ADGRL3: variants seen among roughly 807,000 people sequenced by gnomAD.
ADGRL3 encodes adhesion G protein-coupled receptor L3, also known as calcium-independent alpha-latrotoxin receptor 3.
Under a neutral mutation model 153.5 loss-of-function variants are expected in ADGRL3, and 62 were observed. The ratio of observed to expected loss-of-function variants is 0.40; its 90% CI spans 0.33 to 0.50. The LOEUF is 0.50. Among genes scored for constraint, ADGRL3 ranks in the 20% least tolerant of loss-of-function variants. The pLI, the probability that ADGRL3 is intolerant of heterozygous loss-of-function variation, is 0.47. For missense variants in ADGRL3, 1,641 were observed against 1,859.4 expected (o/e 0.88, Z 2.16); for synonymous variants, 710 against 672.5 (o/e 1.06, Z -0.86).
chr4:62,017,530 G>A (rs2099218083), intron 21 of ADGRL3, among the ~76,000 whole-genome samples: 1 of 151,104 alleles, frequency 6.6e-6, no homozygotes, highest in Non-Finnish European at 1.5e-5. Context: ...AATTGATTAT[G>A]ATGTTTATGC....
rs753890696 is a variant in ADGRL3, at chr4:62,071,709, G to A, written c.*801G>A. On this transcript the variant is annotated 3_prime_UTR_variant, in exon 27 of 27. Coordinates refer to ENST00000683033, the MANE Select transcript of ADGRL3 (RefSeq NM_001387552.1). Reference sequence around the variant, plus strand: ...GTTTGTCTACCAGTAAGAGAGCAAAGTTTCCTTCCTTTCTTCTCTTTCTTC... The same window carrying A: ...GTTTGTCTACCAGTAAGAGAGCAAAATTTCCTTCCTTTCTTCTCTTTCTTC... 2.1e-5 allele frequency: 9 copies of A among 427,214 alleles called. No individual in the cohort carries two copies. The highest frequency in any genetic ancestry group is 3.7e-5 in the Non-Finnish European group (8 of 217,502). 26.5% of individuals were successfully genotyped at this position (427,214 alleles called of 1,614,324 possible). A position where few individuals can be genotyped will look rare whatever the true frequency, so the allele number is the denominator to read the frequency against.
chr4:61,538,413 A>G lies in ADGRL3; in HGVS notation c.259+20895A>G, dbSNP rs577972453. ...CATACACTAGGACTATGCCCTTCTG[A>G]TAGCAGGAGTTTTTTATTGTTGTTG... On this transcript the variant is annotated intron_variant, in intron 4 of 26. Transcript: ENST00000683033. 1.6e-3 allele frequency among the ~76,000 whole-genome samples: 242 copies of G among 152,154 alleles called. 3 individuals carry two copies. The highest frequency in any genetic ancestry group is 5.1e-4 in the Non-Finnish European group (35 of 67,996).
intron 1 of ADGRL3, among the ~76,000 whole-genome samples, chr4:61,304,994 T>A (rs907035811): frequency 6.6e-6 from 1 of 152,180 alleles, no homozygotes; most frequent in Non-Finnish European, 1.5e-5. Context: ...AAGATATAGA[T>A]AAAGAAAGCA....
At chr4:61,948,370 GT>G in intron 17 of ADGRL3, 94 bp downstream of exon 17, 1 of 853,730 alleles carries the variant, frequency 1.2e-6, no homozygotes, top group Non-Finnish European at 1.7e-6. Context: ...ATATTTCAAT[GT>G]TTTCCTACTT....
intron 1 of ADGRL3, among the ~76,000 whole-genome samples, chr4:61,293,012 T>C (rs2094282211): frequency 6.6e-6 from 1 of 152,142 alleles, no homozygotes; most frequent in Non-Finnish European, 1.5e-5. Context: ...AATCGTCGTC[T>C]TTGCTTCCTC....
chr4:61,220,112 CAAAA>C (rs71211371), intron 1 of ADGRL3, among the ~76,000 whole-genome samples: 1,616 of 135,730 alleles, frequency 0.012, 15 homozygotes, highest in Non-Finnish European at 0.02. Flanking sequence ...AAATCTGTCT[CAAAA>C]AAAAAAAAAA....
At chr4:61,852,660 A>T (rs1374902579) in intron 9 of ADGRL3, among the ~76,000 whole-genome samples, 2 of 152,164 alleles carry the variant, frequency 1.3e-5, no homozygotes, top group African/African-American at 4.8e-5. Flanking sequence ...TGGAGTGTGA[A>T]TACCCCAGTT....
intron 17 of ADGRL3, among the ~76,000 whole-genome samples, chr4:61,974,446 CTA>C (rs1317028938): frequency 4.6e-5 from 7 of 152,056 alleles, no homozygotes; most frequent in Non-Finnish European, 8.8e-5. Context: ...CTGATCCTCT[CTA>C]TATCATTTAT....
intron 3 of ADGRL3, among the ~76,000 whole-genome samples, chr4:61,498,292 TG>T (rs2098343086): frequency 6.6e-6 from 1 of 152,116 alleles, no homozygotes; most frequent in Non-Finnish European, 1.5e-5. Flanking sequence ...GGTTCACACC[TG>T]TAACCCCAGC....
At chr4:61,283,679 A>C (rs2093813658) in intron 1 of ADGRL3, among the ~76,000 whole-genome samples, 1 of 151,988 alleles carries the variant, frequency 6.6e-6, no homozygotes, top group Non-Finnish European at 1.5e-5. Flanking sequence ...TTCAAGGATA[A>C]AGGGAAAAAA....
chr4:61,447,002 A>G (rs984943145), intron 2 of ADGRL3, among the ~76,000 whole-genome samples: 14 of 152,114 alleles, frequency 9.2e-5, no homozygotes, highest in Admixed American at 9.2e-4. Context: ...ATTATTAGGA[A>G]TCAGCTATAA....
chr4:61,397,769 G>T (rs1296260218), intron 2 of ADGRL3, among the ~76,000 whole-genome samples: 1 of 151,836 alleles, frequency 6.6e-6, no homozygotes, highest in Non-Finnish European at 1.5e-5. Flanking sequence ...CAAAGGGTAT[G>T]TTGAACCTCT....
chr4:61,937,189 A>C (rs998867411), intron 15 of ADGRL3, among the ~76,000 whole-genome samples: 2 of 152,100 alleles, frequency 1.3e-5, no homozygotes, highest in African/African-American at 4.8e-5. Flanking sequence ...GTTCTTCTGA[A>C]GCATACATCT....
intron 9 of ADGRL3, among the ~76,000 whole-genome samples, chr4:61,839,801 T>A (rs2097999790): frequency 2.0e-5 from 3 of 151,350 alleles, no homozygotes; most frequent in Non-Finnish European, 4.4e-5. Flanking sequence ...AAAAATTAAA[T>A]TTGCTGTACA....
At chr4:61,513,359 A>T (rs1400454939) in intron 3 of ADGRL3, among the ~76,000 whole-genome samples, 1 of 152,190 alleles carries the variant, frequency 6.6e-6, no homozygotes, top group African/African-American at 2.4e-5. Flanking sequence ...TCTTCCACAG[A>T]TAATATGAAA....
intron 5 of ADGRL3, among the ~76,000 whole-genome samples, chr4:61,608,327 A>G (rs781367410): frequency 1.3e-5 from 2 of 152,254 alleles, no homozygotes; most frequent in Admixed American, 6.5e-5. Flanking sequence ...AGTTAACAGC[A>G]TAAACACTGT....
At position 61,517,450 on chromosome 4, in the gene ADGRL3, A is replaced by G; in HGVS notation, c.191A>G (p.Gln64Arg). Reference protein sequence around the residue: ...AAERTAAHRGQGPRGATRGVR... With the variant: ...AAERTAAHRGRGPRGATRGVR... Reference sequence around the variant, plus strand: ...GAGCGCACCGCTGCTCATCGTGGACAAGGGCCCCGTGGAGCTACCAGAGGA... The same window carrying G: ...GAGCGCACCGCTGCTCATCGTGGACGAGGGCCCCGTGGAGCTACCAGAGGA... Residue 64 changes from glutamine (Q) to arginine (R), a missense_variant, in exon 4 of 27, where the codon CAA becomes CGA. Gln to Arg is a conservative substitution (Grantham distance 43, BLOSUM62 1). Coordinates refer to ENST00000683033, the MANE Select transcript of ADGRL3 (RefSeq NM_001387552.1). 2 of 802,730 alleles carry G rather than the reference A, an allele frequency of 2.5e-6. No homozygotes were observed. The highest frequency in any genetic ancestry group is 4.2e-6 in the Non-Finnish European group (2 of 476,192). The allele number at this position is 802,730 out of a possible 1,614,324, so 49.7% of individuals were successfully genotyped here. A position where few individuals can be genotyped will look rare whatever the true frequency, so the allele number is the denominator to read the frequency against.
chr4:61,384,043 A>T (rs2096705976), intron 2 of ADGRL3, among the ~76,000 whole-genome samples: 1 of 151,906 alleles, frequency 6.6e-6, no homozygotes, highest in South Asian at 2.1e-4. Context: ...TGAATTATTG[A>T]CATAATTGAT....
intron 13 of ADGRL3, among the ~76,000 whole-genome samples, chr4:61,920,346 A>G (rs1040256251): frequency 6.6e-6 from 1 of 152,206 alleles, no homozygotes; most frequent in Non-Finnish European, 1.5e-5. Context: ...TTCTGAAACT[A>G]TCATTAACTT....
Sources: gnomAD v4.1 joint callset for allele counts (sites outside exome capture counted in the v4.1 genomes callset) on GRCh38, gnomAD v4.1.1 for gene constraint, MANE v1.5 for transcripts, NCBI Gene and HGNC (gene_info 2026-07-23, HGNC 2026-07-21) for gene names.